The following SLC39A11 variants were observed in gnomAD, a reference collection of about 807,000 sequenced individuals.
SLC39A11 encodes solute carrier family 39 member 11, also known as zinc transporter ZIP11.
A neutral mutation model predicts 36.1 loss-of-function variants in SLC39A11; 33 were observed. The observed-to-expected ratio is 0.91, with a 90% CI of 0.69 to 1.22. The LOEUF (loss-of-function observed/expected upper bound fraction) is 1.22, where lower values mean the gene tolerates loss of function less well. SLC39A11 is among the 50% of genes most tolerant of loss of function. SLC39A11 has a pLI of 0.00. For synonymous variants in SLC39A11, 166 were observed against 170.3 expected, an observed-to-expected ratio of 0.97 and a Z score of 0.20; for missense variants, 432 against 430.3, an observed-to-expected ratio of 1.00 and a Z score of -0.03.
chr17:72,900,121 GA>G lies in SLC39A11; in HGVS notation c.430+47630del, dbSNP rs1295556909. On this transcript the variant is annotated intron_variant, in intron 5 of 9. Transcript: ENST00000255559. Reference sequence around the variant, plus strand: ...AAAGAAAGAAAGAAAAAGAAAGAAAGAAAAGAAAGAAAGAAAGAAAAAGAAA... The same window carrying G: ...AAAGAAAGAAAGAAAAAGAAAGAAAGAAAGAAAGAAAGAAAGAAAAAGAAA... Among the ~76,000 whole-genome samples, 455 of 118,744 alleles carry G rather than the reference GA, an allele frequency of 3.8e-3. 67 individuals carry two copies. The highest frequency in any genetic ancestry group is 0.016 in the African/African-American group (435 of 27,130). The allele number at this position is 118,744 out of a possible 152,430, so 77.9% of individuals were successfully genotyped here. A position where few individuals can be genotyped will look rare whatever the true frequency, so the allele number is the denominator to read the frequency against.
intron 6 of SLC39A11, among the ~76,000 whole-genome samples, chr17:72,835,352 T>A (rs2078480613): frequency 6.6e-6 from 1 of 152,186 alleles, no homozygotes; most frequent in African/African-American, 2.4e-5. Context: ...TTTTTGAGGA[T>A]CAAAGCAAGT....
At chr17:72,862,218 G>A (rs2080077049) in intron 5 of SLC39A11, among the ~76,000 whole-genome samples, 1 of 152,172 alleles carries the variant, frequency 6.6e-6, no homozygotes, top group African/African-American at 2.4e-5. Context: ...AGTGCAGGGA[G>A]GCTAAATTCT....
intron 5 of SLC39A11, among the ~76,000 whole-genome samples, chr17:72,898,250 C>T (rs2082129802): frequency 6.6e-6 from 1 of 152,136 alleles, no homozygotes; most frequent in Non-Finnish European, 1.5e-5. Flanking sequence ...CTGGCCGCCC[C>T]CAAAGACATA....
chr17:72,957,052 A>T (rs1204844661), intron 4 of SLC39A11, among the ~76,000 whole-genome samples: 1 of 152,062 alleles, frequency 6.6e-6, no homozygotes, highest in Non-Finnish European at 1.5e-5. Context: ...AGTTGACTGG[A>T]AAACACTGAT....
At chr17:72,657,035 T>C (rs1448299819) in intron 7 of SLC39A11, among the ~76,000 whole-genome samples, 2 of 151,522 alleles carry the variant, frequency 1.3e-5, no homozygotes, top group African/African-American at 4.9e-5. Context: ...AGAACACAAT[T>C]ATCAGGCATA....
At chr17:73,054,169 C>G (rs2059594053) in intron 3 of SLC39A11, among the ~76,000 whole-genome samples, 1 of 152,082 alleles carries the variant, frequency 6.6e-6, no homozygotes, top group Non-Finnish European at 1.5e-5. Context: ...TCGAGACCAG[C>G]CTGACCACAT....
intron 5 of SLC39A11, among the ~76,000 whole-genome samples, chr17:72,903,772 C>G (rs1260661705): frequency 6.6e-6 from 1 of 152,160 alleles, no homozygotes; most frequent in African/African-American, 2.4e-5. Context: ...GAAGGTCTGT[C>G]TGCCTAGAGG....
rs373603260 is a variant in SLC39A11 at position 73,039,088 on chromosome 17, C to G, written c.148-7374G>C. ...TACTTACTGGTTAGGTAGCCCCAGT[C>G]AAATAACCTAAGCTCTCTTCTGCAG... On this transcript the variant is annotated intron_variant, in intron 3 of 9. Coordinates refer to ENST00000255559, the MANE Select transcript of SLC39A11 (RefSeq NM_139177.4). 3.9e-5 allele frequency among the ~76,000 whole-genome samples: 6 copies of G among 152,282 alleles called. No homozygotes were observed. The East Asian group carries it at 5.8e-4, about 15-fold the overall frequency.
chr17:72,967,397 AGAGT>A (rs1392178647), intron 4 of SLC39A11, among the ~76,000 whole-genome samples: 2 of 140,882 alleles, frequency 1.4e-5, no homozygotes, highest in South Asian at 2.3e-4. Flanking sequence ...AGAGAGAGAG[AGAGT>A]GTGTGTGTGT....
intron 3 of SLC39A11, among the ~76,000 whole-genome samples, chr17:73,045,366 C>T (rs1164108615): frequency 3.2e-5 from 4 of 126,174 alleles, no homozygotes; most frequent in East Asian, 2.5e-4. Context: ...ATTCTACCTC[C>T]AGTGCCATGA....
chr17:72,733,946 G>T (rs2143920156), intron 7 of SLC39A11, among the ~76,000 whole-genome samples: 1 of 152,280 alleles, frequency 6.6e-6, no homozygotes, highest in Non-Finnish European at 1.5e-5. Flanking sequence ...ACTGGAAGCT[G>T]CAGCCCTTGA....
Position 72,820,761 on chromosome 17 carries a change from G to A in SLC39A11, c.601+28873C>T, listed in dbSNP as rs990325294. Among the ~76,000 whole-genome samples, 33 of 150,998 alleles carry A rather than the reference G, an allele frequency of 2.2e-4. 3 individuals are homozygous for A. The highest frequency in any genetic ancestry group is 2.1e-4 in the South Asian group (1 of 4,730). On this transcript the variant is annotated intron_variant, in intron 6 of 9. Coordinates refer to ENST00000255559, the MANE Select transcript of SLC39A11 (RefSeq NM_139177.4). ...CCTGGAGCTGGGTGCTAACGGGCGGGCAGAAGCCGGCCAGGTGAAAAGAAT... is the reference window on the plus strand; with the variant it reads ...CCTGGAGCTGGGTGCTAACGGGCGGACAGAAGCCGGCCAGGTGAAAAGAAT...
At chr17:72,913,706 C>T (rs1204390739) in intron 5 of SLC39A11, among the ~76,000 whole-genome samples, 4 of 152,064 alleles carry the variant, frequency 2.6e-5, no homozygotes, top group Non-Finnish European at 4.4e-5. Flanking sequence ...ACATGAAGAC[C>T]CTCTGTGGCA....
intron 7 of SLC39A11, among the ~76,000 whole-genome samples, chr17:72,688,737 T>C (rs967828829): frequency 6.6e-6 from 1 of 152,176 alleles, no homozygotes. Flanking sequence ...AAGGGTTCGC[T>C]TCAGTGGGCA....
chr17:72,766,060 G>A (rs73352913), intron 6 of SLC39A11, among the ~76,000 whole-genome samples: 2,656 of 152,244 alleles, frequency 0.017, 73 homozygotes, highest in African/African-American at 0.059. Flanking sequence ...ATTTCAGAGT[G>A]AGAATGATGC....
chr17:72,649,753 C>T (rs1179470921), intron 7 of SLC39A11, among the ~76,000 whole-genome samples: 2 of 151,514 alleles, frequency 1.3e-5, no homozygotes, highest in East Asian at 1.9e-4. Flanking sequence ...AAGTGATTTC[C>T]AGCTAATTTT....
At chr17:72,715,403 T>C (rs2073310288) in intron 7 of SLC39A11, among the ~76,000 whole-genome samples, 2 of 152,192 alleles carry the variant, frequency 1.3e-5, no homozygotes, top group Admixed American at 6.5e-5. Flanking sequence ...AGCCCAAGTG[T>C]TCATGGACAG....
intron 5 of SLC39A11, among the ~76,000 whole-genome samples, chr17:72,913,613 A>C (rs1479149759): frequency 6.6e-6 from 1 of 152,140 alleles, no homozygotes; most frequent in East Asian, 1.9e-4. Context: ...TCACCGTGGG[A>C]AACAAATGAG....
chr17:72,746,442 C>T (rs1054506493), intron 6 of SLC39A11, among the ~76,000 whole-genome samples: 2 of 125,908 alleles, frequency 1.6e-5, no homozygotes, highest in Non-Finnish European at 3.4e-5. Flanking sequence ...ATAGCAAGAC[C>T]CCATCTCTAC....
Sources: allele counts gnomAD v4.1 joint callset (sites outside exome capture counted in the v4.1 genomes callset), GRCh38; gene constraint gnomAD v4.1.1; transcripts MANE v1.5; gene names NCBI Gene and HGNC (gene_info 2026-07-23, HGNC 2026-07-21).